Variants in ARHGEF28 observed in about 807,000 individuals in gnomAD.
ARHGEF28 encodes the protein 190 kDa guanine nucleotide exchange factor.
Under a neutral mutation model 206.6 loss-of-function variants are expected in ARHGEF28, and 152 were observed. The ratio of observed to expected loss-of-function variants is 0.74; its 90% CI spans 0.64 to 0.84. The LOEUF (loss-of-function observed/expected upper bound fraction) is 0.84, where lower values mean the gene tolerates loss of function less well. Among genes scored for constraint, ARHGEF28 ranks in the 40% least tolerant of loss-of-function variants. The pLI is 0.00. For missense variants in ARHGEF28, 2,028 were observed against 2,073.2 expected, an observed-to-expected ratio of 0.98 and a Z score of 0.42; for synonymous variants, 763 against 776.4, an observed-to-expected ratio of 0.98 and a Z score of 0.29.
chr5:73,874,575 C>T (rs1480574020), intron 22 of ARHGEF28, among the ~76,000 whole-genome samples: 3 of 121,318 alleles, frequency 2.5e-5, no homozygotes, highest in South Asian at 3.6e-4. Context: ...CCCCTCCCCC[C>T]ACCCCACAAC....
At chr5:73,765,755 C>A (rs1752858224) in intron 4 of ARHGEF28, among the ~76,000 whole-genome samples, 1 of 152,110 alleles carries the variant, frequency 6.6e-6, no homozygotes, top group Admixed American at 6.5e-5. Flanking sequence ...CTTAGATGAA[C>A]AAATTGAGAC....
intron 1 of ARHGEF28, among the ~76,000 whole-genome samples, chr5:73,670,950 G>A (rs193203537): frequency 2.6e-5 from 4 of 152,202 alleles, no homozygotes; most frequent in Admixed American, 2.0e-4. Context: ...TTCACAGAGC[G>A]AAATTTTGAT....
At chr5:73,829,533 C>T (rs1420794567) in intron 9 of ARHGEF28, among the ~76,000 whole-genome samples, 1 of 152,128 alleles carries the variant, frequency 6.6e-6, no homozygotes, top group Non-Finnish European at 1.5e-5. Flanking sequence ...GCGTGTGCCA[C>T]CATGCCCGGC....
chr5:73,746,288 T>A (rs1207053474), intron 2 of ARHGEF28, among the ~76,000 whole-genome samples: 1 of 152,100 alleles, frequency 6.6e-6, no homozygotes, highest in Admixed American at 6.5e-5. Flanking sequence ...AGTAGATGAA[T>A]ATTTAAGTAA....
chr5:73,902,754 C>G (rs185293730), intron 31 of ARHGEF28: 8 of 152,220 alleles, frequency 5.3e-5, no homozygotes, highest in Admixed American at 4.6e-4. Context: ...GGTGGCAGAA[C>G]AACTCCATTA....
intron 34 of ARHGEF28, among the ~76,000 whole-genome samples, chr5:73,910,959 A>G (rs544750217): frequency 1.3e-5 from 2 of 152,302 alleles, no homozygotes; most frequent in East Asian, 3.9e-4. Flanking sequence ...ATATATGGAT[A>G]TGTTTTCAAC....
chr5:73,867,874 A>C lies in ARHGEF28; in HGVS notation c.2153-2A>C. The C allele has an allele frequency of 1.9e-6, 3 of 1,613,962 alleles. No individual in the cohort carries two copies. The highest frequency in any genetic ancestry group is 2.5e-6 in the Non-Finnish European group (3 of 1,179,874). ...ACATGAAGCATCTGTTCTGATTTCC[A>C]GATTCTTCATTTAGAGACATCCCAC... On this transcript the variant is annotated splice_acceptor_variant, in intron 18 of 35. Coordinates refer to ENST00000513042, the MANE Select transcript of ARHGEF28 (RefSeq NM_001177693.2). LOFTEE classifies it high-confidence loss of function.
chr5:73,929,540 C>A (rs1249751628), intron 35 of ARHGEF28, among the ~76,000 whole-genome samples: 1 of 152,146 alleles, frequency 6.6e-6, no homozygotes, highest in African/African-American at 2.4e-5. Context: ...TAAAACCACA[C>A]AATTGTGTGC....
At chr5:73,831,481 A>G (rs1038440394) in intron 9 of ARHGEF28, among the ~76,000 whole-genome samples, 2 of 152,198 alleles carry the variant, frequency 1.3e-5, no homozygotes, top group African/African-American at 4.8e-5. Context: ...CCAAAATAGA[A>G]GTAAAATTCT....
Position 73,940,896 on chromosome 5 carries a change from C to T in ARHGEF28, c.5001C>T (p.His1667=). Residue 1667 remains histidine, a synonymous_variant, in exon 36 of 36, where the codon CAC becomes CAT. Coordinates refer to ENST00000513042, the MANE Select transcript of ARHGEF28 (RefSeq NM_001177693.2). The part of the protein sequence containing the change: ...ESPTPHDSNS[H]RPQLQAFITE... ...CAACCCCCCATGACTCAAATTCACA[C>T]CGCCCTCAACTGCAGGCGTTTATAA... 6.5e-7 allele frequency: 1 copy of T among 1,533,472 alleles called. No homozygotes were observed. Among genetic ancestry groups the T allele is most frequent in the Non-Finnish European group, 8.7e-7 (1 of 1,146,242 alleles). The allele number at this position is 1,533,472 out of a possible 1,614,324, so 95.0% of individuals were successfully genotyped here.
At chr5:73,922,210 C>A (rs528015544) in intron 35 of ARHGEF28, among the ~76,000 whole-genome samples, 1 of 152,190 alleles carries the variant, frequency 6.6e-6, no homozygotes, top group Admixed American at 6.5e-5. Context: ...TCGGTTTAGT[C>A]ACTGATCATT....
chr5:73,769,531 G>A (rs1361226885), intron 4 of ARHGEF28, among the ~76,000 whole-genome samples: 1 of 152,078 alleles, frequency 6.6e-6, no homozygotes, highest in Non-Finnish European at 1.5e-5. Context: ...GTGTTAATCT[G>A]TAATTCATTT....
chr5:73,640,858 A>T (rs548886786), intron 1 of ARHGEF28, among the ~76,000 whole-genome samples: 1 of 152,350 alleles, frequency 6.6e-6, no homozygotes, highest in African/African-American at 2.4e-5. Context: ...GTTATTTAGG[A>T]CATAGATTTA....
intron 7 of ARHGEF28, among the ~76,000 whole-genome samples, chr5:73,788,881 C>A (rs1358944043): frequency 6.6e-6 from 1 of 152,132 alleles, no homozygotes; most frequent in African/African-American, 2.4e-5. Context: ...AGGATACTTT[C>A]TCTCCATAAT....
At chr5:73,858,030 A>T in intron 15 of ARHGEF28, 57 bp from the exon 16 acceptor site, 1 of 1,547,970 alleles carries the variant, frequency 6.5e-7, no homozygotes, top group East Asian at 2.2e-5. Context: ...GTTGGCTCAC[A>T]GCGTTTTCCT....
intron 2 of ARHGEF28, among the ~76,000 whole-genome samples, chr5:73,711,757 T>G (rs1749261516): frequency 6.6e-6 from 1 of 152,108 alleles, no homozygotes; most frequent in South Asian, 2.1e-4. Context: ...GTATTTTTTT[T>G]GTAGATGATA....
At chr5:73,798,573 G>A (rs77853697) in intron 9 of ARHGEF28, among the ~76,000 whole-genome samples, 1,685 of 152,246 alleles carry the variant, frequency 0.011, 21 homozygotes, top group Middle Eastern at 0.031. Flanking sequence ...GCATTTTGTC[G>A]AAGGGGAGAA....
chr5:73,755,667 TAGA>T (rs565985582), intron 4 of ARHGEF28, among the ~76,000 whole-genome samples: 803 of 152,346 alleles, frequency 5.3e-3, no homozygotes, highest in Non-Finnish European at 8.7e-3. Flanking sequence ...ATTGCAATAA[TAGA>T]AGCATACAGT....
chr5:73,771,409 G>T (rs1404896369), intron 4 of ARHGEF28, among the ~76,000 whole-genome samples: 1 of 152,040 alleles, frequency 6.6e-6, no homozygotes. Context: ...TTAGCTGGGG[G>T]TGATGGCGCG....
Sources: gnomAD v4.1 joint callset for allele counts (sites outside exome capture counted in the v4.1 genomes callset) on GRCh38, gnomAD v4.1.1 for gene constraint, MANE v1.5 for transcripts, NCBI Gene and HGNC (gene_info 2026-07-23, HGNC 2026-07-21) for gene names.